The following CFDP1 variants were observed in gnomAD, a reference collection of about 807,000 sequenced individuals.
CFDP1 encodes heterochromatin-stabilizing protein CFDP1.
CFDP1 carries 31 observed loss-of-function variants against 40.1 expected under a neutral mutation model. The ratio of observed to expected loss-of-function variants is 0.77; its 90% confidence interval spans 0.58 to 1.04. The LOEUF is 1.04. Among genes scored for constraint, CFDP1 ranks in the 50% least tolerant of loss-of-function variants. CFDP1 has a pLI of 0.00. For synonymous variants in CFDP1, 167 were observed against 120.0 expected, an observed-to-expected ratio of 1.39 and a Z score of -2.56; for missense variants, 423 against 343.4, an observed-to-expected ratio of 1.23 and a Z score of -1.83.
intron 5 of CFDP1, among the ~76,000 whole-genome samples, chr16:75,346,139 T>C (rs1597344812): frequency 6.6e-6 from 1 of 152,252 alleles, no homozygotes; most frequent in Non-Finnish European, 1.5e-5. Flanking sequence ...CAGTGTTTAC[T>C]AGCACATGTG....
At chr16:75,299,375 C>A (rs1048288340) in intron 6 of CFDP1, among the ~76,000 whole-genome samples, 2 of 150,918 alleles carry the variant, frequency 1.3e-5, no homozygotes, top group Admixed American at 6.6e-5. Context: ...ATCATGTGGT[C>A]AGGAAATCCA....
At position 75,369,840 on chromosome 16, in the gene CFDP1, C is replaced by T. The variant is rs926986266; in HGVS notation, c.650+25250G>A. Among the ~76,000 whole-genome samples the T allele has an allele frequency of 3.3e-5, 5 of 152,100 alleles. No individual in the cohort carries two copies. The South Asian group carries it at 6.2e-4, about 19-fold the overall frequency. On this transcript the variant is annotated intron_variant, in intron 5 of 6. Transcript: ENST00000283882. Reference sequence around the variant, plus strand: ...CGATCTTGGCTCACTAAAACCTCCGCCTCCCAGGTTCACGTTCAAGCGATT... The same window carrying T: ...CGATCTTGGCTCACTAAAACCTCCGTCTCCCAGGTTCACGTTCAAGCGATT...
chr16:75,312,014 T>G (rs1412350313), intron 5 of CFDP1, among the ~76,000 whole-genome samples: 1 of 152,178 alleles, frequency 6.6e-6, no homozygotes, highest in Non-Finnish European at 1.5e-5. Context: ...CTTATGAAGA[T>G]AATTCTTCGT....
At position 75,306,902 on chromosome 16, in the gene CFDP1, C is replaced by T. The variant is rs9929128; in HGVS notation, c.651-1720G>A. Among the ~76,000 whole-genome samples the T allele has an allele frequency of 3.0e-3, 443 of 149,602 alleles. 2 individuals carry two copies. Among genetic ancestry groups the T allele is most frequent in the African/African-American group, 8.2e-3 (334 of 40,818 alleles). On this transcript the variant is annotated intron_variant, in intron 5 of 6. Coordinates refer to ENST00000283882, the MANE Select transcript of CFDP1 (RefSeq NM_006324.3). ...TCACACACACACACACACACACACA[C>T]GCACACACACACACTTTCTTTTTCA...
At chr16:75,315,765 C>T (rs947769797) in intron 5 of CFDP1, among the ~76,000 whole-genome samples, 2 of 152,124 alleles carry the variant, frequency 1.3e-5, no homozygotes, top group Non-Finnish European at 2.9e-5. Context: ...GCATGTATCT[C>T]CCAAGGACAC....
intron 1 of CFDP1, among the ~76,000 whole-genome samples, chr16:75,425,976 C>T (rs1342074242): frequency 5.6e-5 from 7 of 125,054 alleles, no homozygotes; most frequent in African/African-American, 2.2e-4. Flanking sequence ...GCGGAGGTTG[C>T]AGCGAGCTGA....
chr16:75,368,637 A>G (rs1296468589), intron 5 of CFDP1, among the ~76,000 whole-genome samples: 1 of 152,168 alleles, frequency 6.6e-6, no homozygotes, highest in Non-Finnish European at 1.5e-5. Flanking sequence ...GGGTACAGGG[A>G]TTCATTATAC....
intron 5 of CFDP1, chr16:75,381,287 G>C (rs145713509): frequency 2.6e-5 from 4 of 152,094 alleles, no homozygotes; most frequent in African/African-American, 9.6e-5. Context: ...AACAAAGTGA[G>C]ACCCTGTCTC....
chr16:75,364,348 A>G (rs1200549569), intron 5 of CFDP1, among the ~76,000 whole-genome samples: 1 of 152,156 alleles, frequency 6.6e-6, no homozygotes, highest in African/African-American at 2.4e-5. Flanking sequence ...CACTGTTCTT[A>G]GCTGCCTGAG....
At chr16:75,301,409 G>A (rs1004783193) in intron 6 of CFDP1, among the ~76,000 whole-genome samples, 17 of 152,088 alleles carry the variant, frequency 1.1e-4, no homozygotes, top group African/African-American at 4.1e-4. Context: ...CGTCGAGGAG[G>A]TGCCTGTATA....
chr16:75,406,098 G>C (rs2079097114), intron 4 of CFDP1, among the ~76,000 whole-genome samples: 1 of 151,952 alleles, frequency 6.6e-6, no homozygotes, highest in Non-Finnish European at 1.5e-5. Context: ...AAATAGGCCA[G>C]GTGCAGTGGC....
At chr16:75,385,276 AC>A (rs2078887049) in intron 5 of CFDP1, among the ~76,000 whole-genome samples, 1 of 152,106 alleles carries the variant, frequency 6.6e-6, no homozygotes, top group Non-Finnish European at 1.5e-5. Context: ...TTATCATAGC[AC>A]AGGGAAGGAT....
chr16:75,337,003 T>A (rs575276016), intron 5 of CFDP1, among the ~76,000 whole-genome samples: 289 of 152,364 alleles, frequency 1.9e-3, no homozygotes, highest in South Asian at 0.01. Context: ...CTTGTTTGGC[T>A]CTGAGTTGCA....
At chr16:75,373,016 T>C (rs984178473) in intron 5 of CFDP1, among the ~76,000 whole-genome samples, 2 of 152,178 alleles carry the variant, frequency 1.3e-5, no homozygotes, top group African/African-American at 2.4e-5. Flanking sequence ...AAGCAGATCA[T>C]ACACTTGATT....
At chr16:75,354,465 C>T (rs1247110665) in intron 5 of CFDP1, among the ~76,000 whole-genome samples, 1 of 152,008 alleles carries the variant, frequency 6.6e-6, no homozygotes, top group East Asian at 1.9e-4. Flanking sequence ...GTCATATGAG[C>T]ATGAGGTTCA....
chr16:75,432,872 C>T (rs1040012386), intron 1 of CFDP1, among the ~76,000 whole-genome samples: 1 of 151,422 alleles, frequency 6.6e-6, no homozygotes. Context: ...AACAACCAGG[C>T]GGAGAGCGGA....
intron 5 of CFDP1, among the ~76,000 whole-genome samples, chr16:75,335,865 T>C (rs1270476123): frequency 1.3e-5 from 2 of 152,098 alleles, no homozygotes; most frequent in East Asian, 1.9e-4. Context: ...CAAATCTCCA[T>C]GTATTTAGCT....
At chr16:75,424,390 G>A (rs909954431) in intron 1 of CFDP1, among the ~76,000 whole-genome samples, 10 of 152,074 alleles carry the variant, frequency 6.6e-5, no homozygotes, top group East Asian at 1.9e-4. Flanking sequence ...AGACACACAC[G>A]GCATCTGTGA....
intron 5 of CFDP1, among the ~76,000 whole-genome samples, chr16:75,318,338 G>A (rs1413117194): frequency 1.3e-5 from 2 of 151,892 alleles, no homozygotes; most frequent in Non-Finnish European, 2.9e-5. Context: ...CTGGGCAGAA[G>A]ATCAATATGC....
Sources: gnomAD v4.1 joint callset for allele counts (sites outside exome capture counted in the v4.1 genomes callset) on GRCh38, gnomAD v4.1.1 for gene constraint, MANE v1.5 for transcripts, NCBI Gene and HGNC (gene_info 2026-07-23, HGNC 2026-07-21) for gene names.